The following DPP6 variants were observed in gnomAD, a reference collection of about 807,000 sequenced individuals.
The protein encoded by DPP6 is A-type potassium channel modulatory protein DPP6.
A neutral mutation model predicts 122.6 loss-of-function variants in DPP6; 69 were observed. That is an observed-to-expected ratio of 0.56 (90% confidence interval 0.46 to 0.69). The LOEUF (loss-of-function observed/expected upper bound fraction) is 0.69, where lower values mean the gene tolerates loss of function less well. Among genes scored for constraint, DPP6 ranks in the 30% least tolerant of loss-of-function variants. The pLI, the probability that DPP6 is intolerant of heterozygous loss-of-function variation, is 0.00. For synonymous variants in DPP6, 418 were observed against 433.1 expected (o/e 0.97, Z 0.43); for missense variants, 928 against 1,116.9 (o/e 0.83, Z 2.41).
At chr7:154,019,907 A>AT (rs1327854026) in intron 1 of DPP6, among the ~76,000 whole-genome samples, 3 of 152,150 alleles carry the variant, frequency 2.0e-5, no homozygotes, top group Non-Finnish European at 4.4e-5. Context: ...TGGAGCTCAT[A>AT]TAAGAGTCCA....
At chr7:154,883,057 AC>A (rs1209434792) in intron 21 of DPP6, among the ~76,000 whole-genome samples, 2 of 75,222 alleles carry the variant, frequency 2.7e-5, no homozygotes, top group African/African-American at 1.0e-4. Flanking sequence ...ACATGCTCAC[AC>A]ATTCACACAC....
At chr7:154,475,248 AG>A (rs1321836750) in intron 3 of DPP6, 4 of 511,712 alleles carry the variant, frequency 7.8e-6, no homozygotes, top group African/African-American at 7.8e-5. Context: ...TTGCCTCCCG[AG>A]CATCCACACA....
At chr7:154,717,716 C>T (rs145131691) in intron 7 of DPP6, among the ~76,000 whole-genome samples, 22 of 152,260 alleles carry the variant, frequency 1.4e-4, no homozygotes, top group African/African-American at 4.3e-4. Flanking sequence ...TGGAAGTGCA[C>T]GTATCTCAGC....
chr7:154,834,233 C>T (rs1305117232), intron 16 of DPP6, among the ~76,000 whole-genome samples: 1 of 151,002 alleles, frequency 6.6e-6, no homozygotes, highest in Admixed American at 6.6e-5. Flanking sequence ...TTTGGGAGGC[C>T]GAGGCAGGCG....
chr7:154,638,135 C>A (rs2130030), intron 6 of DPP6, among the ~76,000 whole-genome samples: 1 of 152,108 alleles, frequency 6.6e-6, no homozygotes, highest in African/African-American at 2.4e-5. Flanking sequence ...CTGGTTCCTG[C>A]AGTTGACCCT....
intron 1 of DPP6, among the ~76,000 whole-genome samples, chr7:154,431,539 T>TTC (rs1818418215): frequency 9.0e-5 from 12 of 132,890 alleles, no homozygotes; most frequent in African/African-American, 3.2e-4. Context: ...TCTTTCTTTT[T>TTC]TTTTTTTTTT....
chr7:154,883,137 A>T (rs942081122), intron 21 of DPP6, among the ~76,000 whole-genome samples: 1 of 150,724 alleles, frequency 6.6e-6, no homozygotes, highest in African/African-American at 2.5e-5. Flanking sequence ...ATACACACAC[A>T]TGCTCACCCA....
At chr7:153,896,593 C>T (rs1799424810) in intron 1 of DPP6, among the ~76,000 whole-genome samples, 1 of 152,044 alleles carries the variant, frequency 6.6e-6, no homozygotes, top group African/African-American at 2.4e-5. Flanking sequence ...TCACTTGAGG[C>T]CAGGAATTTG....
At chr7:154,078,020 G>A (rs1486985647) in intron 1 of DPP6, among the ~76,000 whole-genome samples, 4 of 152,048 alleles carry the variant, frequency 2.6e-5, no homozygotes, top group Non-Finnish European at 1.5e-5. Context: ...CAAAACCCTG[G>A]CTGTACAAGT....
chr7:154,822,463 C>T (rs1799856600), intron 16 of DPP6, among the ~76,000 whole-genome samples: 1 of 152,138 alleles, frequency 6.6e-6, no homozygotes, highest in African/African-American at 2.4e-5. Context: ...TACCCTAAGG[C>T]CCGACCCCCT....
At chr7:154,057,159 C>T (rs1466304061) in intron 1 of DPP6, among the ~76,000 whole-genome samples, 3 of 152,212 alleles carry the variant, frequency 2.0e-5, no homozygotes, top group East Asian at 1.9e-4. Flanking sequence ...AATAATATTA[C>T]TGTTTCTAAA....
chr7:153,978,428 T>A (rs918917838), intron 1 of DPP6, among the ~76,000 whole-genome samples: 1 of 152,230 alleles, frequency 6.6e-6, no homozygotes, highest in Non-Finnish European at 1.5e-5. Flanking sequence ...TTGTTTAGGT[T>A]CCTTGTAGAT....
At chr7:153,859,725 ACTC>A in the DPP6 span, among the ~76,000 whole-genome samples, 372 of 152,238 alleles carry the variant, frequency 2.4e-3, no homozygotes, top group Non-Finnish European at 3.6e-3. Flanking sequence ...GGTTTAATTG[ACTC>A]ACAGTTCTGC....
chr7:153,879,527 C>T, the DPP6 span, among the ~76,000 whole-genome samples: 1 of 152,072 alleles, frequency 6.6e-6, no homozygotes, highest in Non-Finnish European at 1.5e-5. Context: ...GTAGCTGGGA[C>T]TGCAGGTGCA....
At chr7:154,684,458 G>C (rs567904378) in intron 7 of DPP6, among the ~76,000 whole-genome samples, 3 of 152,290 alleles carry the variant, frequency 2.0e-5, no homozygotes, top group Admixed American at 6.5e-5. Flanking sequence ...GTCAATTAAG[G>C]CATATTATTT....
chr7:154,675,393 T>C (rs1375753824), intron 7 of DPP6, among the ~76,000 whole-genome samples: 1 of 152,142 alleles, frequency 6.6e-6, no homozygotes, highest in Non-Finnish European at 1.5e-5. Flanking sequence ...TGTGTTTTAA[T>C]GGTTAGGATG....
intron 1 of DPP6, among the ~76,000 whole-genome samples, chr7:154,074,722 C>T (rs1803433454): frequency 1.3e-5 from 2 of 152,076 alleles, no homozygotes; most frequent in Non-Finnish European, 2.9e-5. Context: ...GCTTTATAGC[C>T]ACAGCAGGGA....
intron 1 of DPP6, among the ~76,000 whole-genome samples, chr7:154,421,322 T>G (rs1817455664): frequency 6.6e-6 from 1 of 151,864 alleles, no homozygotes. Flanking sequence ...TTTCTTTTTT[T>G]TTTTTTTTCC....
intron 1 of DPP6, among the ~76,000 whole-genome samples, chr7:154,124,475 C>T (rs921724266): frequency 3.9e-5 from 6 of 152,260 alleles, no homozygotes; most frequent in East Asian, 3.9e-4. Context: ...CAGCCTGCAC[C>T]GGCACTGTGG....
Sources: gnomAD v4.1 joint callset for allele counts (sites outside exome capture counted in the v4.1 genomes callset) on GRCh38, gnomAD v4.1.1 for gene constraint, MANE v1.5 for transcripts, NCBI Gene and HGNC (gene_info 2026-07-23, HGNC 2026-07-21) for gene names.